The following RANBP9 variants were observed in gnomAD, a reference collection of about 807,000 sequenced individuals.
The protein encoded by RANBP9 is RAN binding protein 9.
A neutral mutation model predicts 84.3 loss-of-function variants in RANBP9; 15 were observed. That is an observed-to-expected ratio of 0.18 (90% confidence interval 0.12 to 0.27). The LOEUF is 0.27. RANBP9 is among the 10% of genes least tolerant of loss of function. RANBP9 has a pLI of 1.00. For missense variants in RANBP9, 809 were observed against 912.8 expected (o/e 0.89, Z 1.46); for synonymous variants, 392 against 349.6 (o/e 1.12, Z -1.35).
At chr6:13,675,098 C>A (rs1406251386) in intron 2 of RANBP9, among the ~76,000 whole-genome samples, 2 of 152,202 alleles carry the variant, frequency 1.3e-5, no homozygotes, top group African/African-American at 4.8e-5. Flanking sequence ...ATATCAACAA[C>A]TGGCAGACAC....
intron 2 of RANBP9, among the ~76,000 whole-genome samples, chr6:13,687,390 A>G (rs1400342088): frequency 6.6e-6 from 1 of 152,028 alleles, no homozygotes; most frequent in Non-Finnish European, 1.5e-5. Flanking sequence ...TGGGAGGCTG[A>G]GGCAGGAGGA....
At chr6:13,703,257 G>A (rs1335380536) in intron 1 of RANBP9, among the ~76,000 whole-genome samples, 3 of 152,156 alleles carry the variant, frequency 2.0e-5, no homozygotes, top group African/African-American at 7.2e-5. Flanking sequence ...GTCTTTCAAT[G>A]TTGGTGTTCT....
At chr6:13,677,607 T>C (rs1765924202) in intron 2 of RANBP9, among the ~76,000 whole-genome samples, 1 of 152,218 alleles carries the variant, frequency 6.6e-6, no homozygotes, top group Non-Finnish European at 1.5e-5. Context: ...AGTATACGTA[T>C]ATCTATTTAT....
intron 5 of RANBP9, among the ~76,000 whole-genome samples, chr6:13,649,443 T>C (rs1031858602): frequency 2.0e-5 from 3 of 148,868 alleles, no homozygotes; most frequent in Admixed American, 1.4e-4. Context: ...CGCTGACTAG[T>C]TGCTTAGTGC....
intron 9 of RANBP9, 105 bp downstream of exon 9, chr6:13,639,458 G>C: frequency 2.4e-6 from 3 of 1,254,024 alleles, no homozygotes; most frequent in Non-Finnish European, 3.3e-6. Flanking sequence ...GATTACAAGC[G>C]TGAGCCACCG....
intron 2 of RANBP9, among the ~76,000 whole-genome samples, chr6:13,684,917 C>T (rs965685223): frequency 1.3e-5 from 2 of 152,150 alleles, no homozygotes; most frequent in African/African-American, 4.8e-5. Context: ...AGCATCCCAC[C>T]TTCCTAATTT....
intron 2 of RANBP9, among the ~76,000 whole-genome samples, chr6:13,692,542 A>AAAC (rs1766349798): frequency 1.4e-5 from 2 of 145,898 alleles, no homozygotes; most frequent in African/African-American, 5.1e-5. Context: ...AAAAAAAAAA[A>AAAC]AAAAAAAAAA....
intron 2 of RANBP9, among the ~76,000 whole-genome samples, chr6:13,681,962 G>A (rs562377530): frequency 4.5e-4 from 69 of 152,106 alleles, no homozygotes; most frequent in African/African-American, 1.6e-3. Flanking sequence ...AGGCTCAAGC[G>A]ATTCTCCTGC....
At chr6:13,634,764 GA>G (rs569130474) in intron 10 of RANBP9, among the ~76,000 whole-genome samples, 3 of 152,030 alleles carry the variant, frequency 2.0e-5, no homozygotes, top group Admixed American at 1.3e-4. Context: ...GGTAAGGGAG[GA>G]AAAAAAGTAC....
In RANBP9 at chr6:13,657,029, A is replaced by G. The variant is rs554820465; in HGVS notation, c.904+80T>C. ...GCATCCATCTATAAAGGAGAATCAC[A>G]TAATAAATACAACTACCATCCTGGA... On this transcript the variant is annotated intron_variant, in intron 4 of 13. Coordinates refer to ENST00000011619, the MANE Select transcript of RANBP9 (RefSeq NM_005493.3). 320 of 1,325,682 alleles carry G rather than the reference A, an allele frequency of 2.4e-4. 3 individuals carry two copies. The highest frequency in any genetic ancestry group is 2.3e-3 in the Middle Eastern group (12 of 5,232). 82.1% of individuals were successfully genotyped at this position (1,325,682 alleles called of 1,614,324 possible). A position where few individuals can be genotyped will look rare whatever the true frequency, so the allele number is the denominator to read the frequency against.
At chr6:13,655,715 T>C in intron 4 of RANBP9, among the ~76,000 whole-genome samples, 1 of 152,192 alleles carries the variant, frequency 6.6e-6, no homozygotes, top group Non-Finnish European at 1.5e-5. Context: ...ATTGTGGTTT[T>C]TTCAAAATGT....
intron 2 of RANBP9, among the ~76,000 whole-genome samples, chr6:13,667,733 T>C (rs181308111): frequency 1.3e-5 from 2 of 152,154 alleles, no homozygotes; most frequent in Admixed American, 6.5e-5. Flanking sequence ...CCACACAACA[T>C]GGCCTAGGTG....
intron 12 of RANBP9, among the ~76,000 whole-genome samples, chr6:13,630,606 C>A (rs1209224686): frequency 1.3e-5 from 2 of 151,954 alleles, no homozygotes; most frequent in Non-Finnish European, 2.9e-5. Flanking sequence ...GTCCAAAAAC[C>A]TTTCAGGGGA....
chr6:13,672,427 A>C (rs967769901), intron 2 of RANBP9, among the ~76,000 whole-genome samples: 2 of 152,160 alleles, frequency 1.3e-5, no homozygotes, highest in Non-Finnish European at 2.9e-5. Context: ...ACTTTTTTTA[A>C]TTAATAAAAG....
chr6:13,625,674 C>T lies in RANBP9; in HGVS notation c.2038G>A (p.Ala680Thr). 1 of 1,610,854 alleles carries T rather than the reference C, an allele frequency of 6.2e-7. No individual in the cohort carries two copies. The highest frequency in any genetic ancestry group is 8.5e-7 in the Non-Finnish European group (1 of 1,177,052). Residue 680 changes from alanine (A) to threonine (T), a missense_variant, in exon 13 of 14, where the codon GCT becomes ACT. By Grantham distance (58) the Ala-to-Thr change is moderately conservative. Coordinates refer to ENST00000011619, the MANE Select transcript of RANBP9 (RefSeq NM_005493.3). Reference sequence around the variant, plus strand: ...TTACCTAATATTGCACTGTTAAGAGCTGAGCACACAGGTTCTCTCTGAATC... The same window carrying T: ...TTACCTAATATTGCACTGTTAAGAGTTGAGCACACAGGTTCTCTCTGAATC... ...DPIQREPVCS[A>T]LNSAILETHN...
intron 10 of RANBP9, among the ~76,000 whole-genome samples, chr6:13,635,169 T>TGAAC (rs1764904761): frequency 6.6e-6 from 1 of 152,102 alleles, no homozygotes; most frequent in Non-Finnish European, 1.5e-5. Flanking sequence ...CGACAGAGAG[T>TGAAC]GAACTCACAG....
chr6:13,662,130 A>G (rs374116711), intron 2 of RANBP9, among the ~76,000 whole-genome samples: 1 of 152,234 alleles, frequency 6.6e-6, no homozygotes, highest in African/African-American at 2.4e-5. Flanking sequence ...CAAGGAAACA[A>G]TCAGCACAGA....
chr6:13,700,334 GAC>G (rs1307951042), intron 1 of RANBP9, among the ~76,000 whole-genome samples: 1 of 152,114 alleles, frequency 6.6e-6, no homozygotes, highest in Non-Finnish European at 1.5e-5. Context: ...CTAGGAAAAA[GAC>G]ACGCTTCCTG....
chr6:13,704,092 A>G (rs1351376488), intron 1 of RANBP9, among the ~76,000 whole-genome samples: 2 of 152,156 alleles, frequency 1.3e-5, no homozygotes, highest in Non-Finnish European at 2.9e-5. Context: ...TCTCACAAAT[A>G]TATCTGCCTT....
Sources: gnomAD v4.1 joint callset for allele counts (sites outside exome capture counted in the v4.1 genomes callset) on GRCh38, gnomAD v4.1.1 for gene constraint, MANE v1.5 for transcripts, NCBI Gene and HGNC (gene_info 2026-07-23, HGNC 2026-07-21) for gene names.